The following PALM2AKAP2 variants were observed in gnomAD, a reference collection of about 807,000 sequenced individuals.
PALM2AKAP2 encodes the protein PALM2 and AKAP2 fusion.
Under a neutral mutation model 71.5 loss-of-function variants are expected in PALM2AKAP2, and 37 were observed. The ratio of observed to expected loss-of-function variants is 0.52; its 90% CI spans 0.40 to 0.68. The LOEUF is 0.68. PALM2AKAP2 is among the 30% of genes least tolerant of loss of function. PALM2AKAP2 has a pLI of 0.00. For synonymous variants in PALM2AKAP2, 468 were observed against 478.8 expected, an observed-to-expected ratio of 0.98 and a Z score of 0.29; for missense variants, 1,224 against 1,191.8, an observed-to-expected ratio of 1.03 and a Z score of -0.40.
intron 1 of PALM2AKAP2, among the ~76,000 whole-genome samples, chr9:110,074,260 G>T (rs1834270630): frequency 6.6e-6 from 1 of 152,198 alleles, no homozygotes; most frequent in African/African-American, 2.4e-5. Flanking sequence ...GCTGAAGCGG[G>T]AGGATCCCTT....
intron 5 of PALM2AKAP2, among the ~76,000 whole-genome samples, chr9:109,926,920 A>G (rs1202300305): frequency 6.6e-6 from 1 of 151,996 alleles, no homozygotes; most frequent in Non-Finnish European, 1.5e-5. Context: ...ATTGCTTCCC[A>G]TTGTTTTCAC....
At chr9:109,984,883 A>C (rs1244508392) in intron 6 of PALM2AKAP2, among the ~76,000 whole-genome samples, 3 of 151,966 alleles carry the variant, frequency 2.0e-5, no homozygotes. Context: ...TTAGAAAAAA[A>C]TTTTAAAAAG....
At chr9:110,032,060 G>GA (rs560993508) in intron 7 of PALM2AKAP2, among the ~76,000 whole-genome samples, 27,457 of 119,270 alleles carry the variant, frequency 0.23, 3,178 homozygotes, top group African/African-American at 0.31. Flanking sequence ...AGCTTACGGG[G>GA]AAAAAAAAAA....
At chr9:110,132,346 C>T (rs1414197555) in intron 1 of PALM2AKAP2, among the ~76,000 whole-genome samples, 1 of 151,668 alleles carries the variant, frequency 6.6e-6, no homozygotes, top group Non-Finnish European at 1.5e-5. Flanking sequence ...AGGGGTGAGC[C>T]ACCGTGCGGG....
At chr9:109,647,896 C>T (rs1827175515) in intron 1 of PALM2AKAP2, among the ~76,000 whole-genome samples, 1 of 152,212 alleles carries the variant, frequency 6.6e-6, no homozygotes, top group Non-Finnish European at 1.5e-5. Context: ...GAAATGAGCA[C>T]ATGTCACTTA....
intron 1 of PALM2AKAP2, among the ~76,000 whole-genome samples, chr9:109,665,166 C>A (rs1476732050): frequency 6.6e-6 from 1 of 152,140 alleles, no homozygotes; most frequent in African/African-American, 2.4e-5. Context: ...TTATTACCGA[C>A]CTTCTGAAGC....
chr9:109,715,943 C>A (rs2118620669), intron 1 of PALM2AKAP2, among the ~76,000 whole-genome samples: 1 of 152,218 alleles, frequency 6.6e-6, no homozygotes, highest in South Asian at 2.1e-4. Context: ...TTTTCGTATG[C>A]CATTAGACCT....
chr9:109,740,877 C>T (rs12343576), intron 1 of PALM2AKAP2, among the ~76,000 whole-genome samples: 39,808 of 152,034 alleles, frequency 0.26, 5,429 homozygotes, highest in East Asian at 0.37. Context: ...TGGTCTCAAT[C>T]TCTTGACCTC....
chr9:109,832,137 A>G (rs1448029114), intron 1 of PALM2AKAP2, among the ~76,000 whole-genome samples: 1 of 152,198 alleles, frequency 6.6e-6, no homozygotes, highest in African/African-American at 2.4e-5. Context: ...TGCATAAAGA[A>G]TCAAGCTTCT....
At chr9:109,720,948 C>G (rs1371802151) in intron 1 of PALM2AKAP2, among the ~76,000 whole-genome samples, 5 of 152,170 alleles carry the variant, frequency 3.3e-5, no homozygotes, top group Non-Finnish European at 7.3e-5. Context: ...ATGGCACATA[C>G]CACCACACAC....
chr9:109,840,441 C>T (rs916889897), intron 1 of PALM2AKAP2, among the ~76,000 whole-genome samples: 4 of 152,198 alleles, frequency 2.6e-5, no homozygotes, highest in Admixed American at 1.3e-4. Flanking sequence ...CAGTACCATT[C>T]AGCACATAGG....
intron 3 of PALM2AKAP2, among the ~76,000 whole-genome samples, chr9:110,167,732 A>G (rs894707062): frequency 6.6e-6 from 1 of 152,044 alleles, no homozygotes; most frequent in Non-Finnish European, 1.5e-5. Flanking sequence ...TTGCCAAAGT[A>G]GGTTTTTATA....
At chr9:110,149,723 T>G (rs1192596299) in intron 2 of PALM2AKAP2, among the ~76,000 whole-genome samples, 1 of 152,188 alleles carries the variant, frequency 6.6e-6, no homozygotes, top group East Asian at 1.9e-4. Flanking sequence ...AAGCTGAGGC[T>G]AGAGAATCTC....
At chr9:109,990,114 C>T (rs1239762285) in intron 6 of PALM2AKAP2, among the ~76,000 whole-genome samples, 2 of 149,264 alleles carry the variant, frequency 1.3e-5, no homozygotes, top group African/African-American at 4.9e-5. Context: ...CTCTGTCACC[C>T]AGGCTGGAGT....
chr9:110,172,496 T>C (rs1836881062), exon 4 of PALM2AKAP2: 1 of 152,630 alleles, frequency 6.6e-6, no homozygotes, highest in Non-Finnish European at 1.5e-5. Flanking sequence ...ATCCAATGTG[T>C]GTTGAGTTTT....
intron 6 of PALM2AKAP2, among the ~76,000 whole-genome samples, chr9:109,938,943 C>T (rs1389819206): frequency 6.6e-6 from 1 of 152,016 alleles, no homozygotes; most frequent in Non-Finnish European, 1.5e-5. Flanking sequence ...GCAGGAGAAT[C>T]GCTTGAACCC....
At chr9:109,947,098 C>T (rs1266393280) in intron 6 of PALM2AKAP2, among the ~76,000 whole-genome samples, 3 of 152,156 alleles carry the variant, frequency 2.0e-5, no homozygotes, top group Non-Finnish European at 2.9e-5. Flanking sequence ...CCCTTATGGC[C>T]AAACCTAAAA....
At chr9:110,152,869 G>A (rs1836357108) in intron 2 of PALM2AKAP2, among the ~76,000 whole-genome samples, 1 of 152,226 alleles carries the variant, frequency 6.6e-6, no homozygotes, top group Non-Finnish European at 1.5e-5. Context: ...GCCCAGCAGA[G>A]GAGCCTGGCT....
At chr9:109,674,665 T>C (rs981260972) in intron 1 of PALM2AKAP2, among the ~76,000 whole-genome samples, 1 of 152,102 alleles carries the variant, frequency 6.6e-6, no homozygotes, top group Non-Finnish European at 1.5e-5. Context: ...GGCAAGAACA[T>C]ATGTAATTAT....
Sources: allele counts gnomAD v4.1 joint callset (sites outside exome capture counted in the v4.1 genomes callset), GRCh38; gene constraint gnomAD v4.1.1; transcripts MANE v1.5; gene names NCBI Gene and HGNC (gene_info 2026-07-23, HGNC 2026-07-21).